HAO1: variants seen among roughly 807,000 people sequenced by gnomAD.
HAO1 encodes the protein 2-Hydroxyacid oxidase 1.
A neutral mutation model predicts 39.7 loss-of-function variants in HAO1; 34 were observed. The observed-to-expected ratio is 0.86, with a 90% confidence interval of 0.65 to 1.14. HAO1 has a LOEUF of 1.14. HAO1 is among the 50% of genes most tolerant of loss of function. The pLI, the probability that HAO1 is intolerant of heterozygous loss-of-function variation, is 0.00. For synonymous variants in HAO1, 172 were observed against 173.2 expected, an observed-to-expected ratio of 0.99 and a Z score of 0.05; for missense variants, 479 against 464.5, an observed-to-expected ratio of 1.03 and a Z score of -0.29.
intron 5 of HAO1, among the ~76,000 whole-genome samples, chr20:7,888,205 C>T (rs1021951293): frequency 1.2e-4 from 18 of 152,056 alleles, no homozygotes; most frequent in African/African-American, 4.3e-4. Flanking sequence ...TATAAAGGAC[C>T]TGGTATATTT....
chr20:7,900,457 A>G (rs975360222), intron 4 of HAO1, among the ~76,000 whole-genome samples: 1 of 152,134 alleles, frequency 6.6e-6, no homozygotes, highest in African/African-American at 2.4e-5. Flanking sequence ...CACGTGCTCA[A>G]TTGGTATCCC....
chr20:7,906,970 C>T (rs1219805165), intron 3 of HAO1, among the ~76,000 whole-genome samples: 1 of 152,186 alleles, frequency 6.6e-6, no homozygotes, highest in East Asian at 1.9e-4. Flanking sequence ...CCTCAGGAAA[C>T]CTTCCAATGC....
intron 2 of HAO1, among the ~76,000 whole-genome samples, chr20:7,929,667 C>T (rs981024872): frequency 1.3e-5 from 2 of 152,090 alleles, no homozygotes; most frequent in African/African-American, 2.4e-5. Context: ...AGATCAAGAC[C>T]ATCCTGGCCA....
chr20:7,885,076 TACTGAGCA>T (rs2050144644), intron 7 of HAO1, among the ~76,000 whole-genome samples: 1 of 152,144 alleles, frequency 6.6e-6, no homozygotes, highest in South Asian at 2.1e-4. Flanking sequence ...AAGATTTTTG[TACTGAGCA>T]ACTGAAACTA....
At chr20:7,939,981 AAAAAG>A (rs2050433224) in intron 1 of HAO1, among the ~76,000 whole-genome samples, 1 of 152,234 alleles carries the variant, frequency 6.6e-6, no homozygotes. Flanking sequence ...TCATACTAAG[AAAAAG>A]AAAAGTCATC....
At chr20:7,929,167 T>C (rs1201050749) in intron 2 of HAO1, among the ~76,000 whole-genome samples, 1 of 152,118 alleles carries the variant, frequency 6.6e-6, no homozygotes, top group East Asian at 1.9e-4. Context: ...TTCCCTGAGG[T>C]TTCTGCATAA....
chr20:7,923,396 A>G (rs1196980489), intron 2 of HAO1, among the ~76,000 whole-genome samples: 4 of 152,170 alleles, frequency 2.6e-5, no homozygotes, highest in Non-Finnish European at 5.9e-5. Context: ...CTGGATGTGA[A>G]GAAGCAAAAA....
chr20:7,929,689 C>T (rs2050377329), intron 2 of HAO1, among the ~76,000 whole-genome samples: 1 of 152,066 alleles, frequency 6.6e-6, no homozygotes, highest in African/African-American at 2.4e-5. Context: ...CATGGTGAAA[C>T]CCTGTCTATA....
chr20:7,885,174 G>GT, intron 7 of HAO1, among the ~76,000 whole-genome samples: 1 of 152,278 alleles, frequency 6.6e-6, no homozygotes, highest in South Asian at 2.1e-4. Flanking sequence ...TTTTGGACAG[G>GT]TAAGAGTTTG....
At chr20:7,917,941 G>A (rs1215210830) in intron 2 of HAO1, among the ~76,000 whole-genome samples, 1 of 152,162 alleles carries the variant, frequency 6.6e-6, no homozygotes, top group Non-Finnish European at 1.5e-5. Context: ...TTAGAGAGAA[G>A]CAAGTTTGGT....
intron 2 of HAO1, among the ~76,000 whole-genome samples, chr20:7,933,063 T>C (rs2050392635): frequency 6.6e-6 from 1 of 152,214 alleles, no homozygotes; most frequent in African/African-American, 2.4e-5. Context: ...AATTTCCATG[T>C]CTTTGCTTAT....
In HAO1 at chr20:7,909,383, A is replaced by ATATATG. The variant is rs1555774045; in HGVS notation, c.546-3055_546-3054insCATATA. 9.6e-3 allele frequency among the ~76,000 whole-genome samples: 1,202 copies of ATATATG among 124,610 alleles called. 11 individuals carry two copies. Among genetic ancestry groups the ATATATG allele is most frequent in the Middle Eastern group, 0.032 (7 of 218 alleles). The allele number at this position is 124,610 out of a possible 152,430, so 81.7% of individuals were successfully genotyped here. A position where few individuals can be genotyped will look rare whatever the true frequency, so the allele number is the denominator to read the frequency against. On this transcript the variant is annotated intron_variant, in intron 3 of 7. Transcript: ENST00000378789. Reference sequence around the variant, plus strand: ...GACATATATATATATATATATGTATATATATATATATATATATATATGCTT... The same window carrying ATATATG: ...GACATATATATATATATATATGTATATATATGTATATATATATATATATATATGCTT...
Position 7,934,491 on chromosome 20 carries a change from A to G in HAO1, c.282T>C (p.Thr94=). The stretch of plus-strand genomic sequence containing the variant: ...TGACAATCTTCCTCCTACCTCTCAC[A>G]GTGGCAAGCTCGCCGTCCACATGAG... ...RMAHVDGELA[T]VRACQSLGTG... is the part of the protein sequence containing the mutation. Residue 94 remains threonine (T), a synonymous_variant, in exon 2 of 8, where the codon ACT becomes ACC. Transcript: ENST00000378789. 1.2e-6 allele frequency: 2 copies of G among 1,608,724 alleles called. No homozygotes were observed. Among genetic ancestry groups the G allele is most frequent in the Non-Finnish European group, 1.7e-6 (2 of 1,178,258 alleles).
At chr20:7,903,102 G>C (rs541067395) in intron 4 of HAO1, among the ~76,000 whole-genome samples, 1 of 152,274 alleles carries the variant, frequency 6.6e-6, no homozygotes, top group South Asian at 2.1e-4. Context: ...TCCCAGAACT[G>C]GCCCTGCCAC....
In HAO1 at chr20:7,906,241, C is replaced by T. The variant is rs1466854783; in HGVS notation, c.634G>A (p.Ala212Thr). The change falls in exon 4 of 8, where the codon GCA becomes ACA. Residue 212 changes from alanine to threonine, a missense_variant. Ala to Thr is a moderately conservative substitution (Grantham distance 58). Coordinates refer to ENST00000378789, the MANE Select transcript of HAO1 (RefSeq NM_017545.3). ...DSGLAAYVAKAIDPSISWEDI... is the reference protein window; with the variant it reads ...DSGLAAYVAKTIDPSISWEDI... ...TCCCAGCTGATAGATGGGTCTATTG[C>T]TTTAGCCACATATGCAGCAAGTCCA... is the stretch of plus-strand genomic sequence containing the variant. The T allele has an allele frequency of 1.1e-5, 18 of 1,611,896 alleles. No homozygotes were observed. The highest frequency in any genetic ancestry group is 1.4e-5 in the Non-Finnish European group (16 of 1,178,198).
rs1600102962 is a variant in HAO1 at position 7,883,345 on chromosome 20, A to G, written c.*248T>C. 5 of 517,482 alleles carry G rather than the reference A, an allele frequency of 9.7e-6. No individual in the cohort carries two copies. Among genetic ancestry groups the G allele is most frequent in the South Asian group, 2.7e-5 (1 of 37,538 alleles). 32.1% of individuals were successfully genotyped at this position (517,482 alleles called of 1,614,324 possible). ...ATGACGTTGTCTAAACACATTTTCAATGTTTTCTTTTTAACAGTTAATATA... is the reference window on the plus strand; with the variant it reads ...ATGACGTTGTCTAAACACATTTTCAGTGTTTTCTTTTTAACAGTTAATATA... On this transcript the variant is annotated 3_prime_UTR_variant, in exon 8 of 8. Coordinates refer to ENST00000378789, the MANE Select transcript of HAO1 (RefSeq NM_017545.3).
At chr20:7,904,136 C>A (rs543063475) in intron 4 of HAO1, among the ~76,000 whole-genome samples, 5 of 152,186 alleles carry the variant, frequency 3.3e-5, no homozygotes, top group African/African-American at 1.2e-4. Context: ...AAATTCTATT[C>A]TTCCTTAGTG....
chr20:7,908,984 C>A (rs532999642), intron 3 of HAO1, among the ~76,000 whole-genome samples: 1 of 151,686 alleles, frequency 6.6e-6, no homozygotes, highest in South Asian at 2.1e-4. Context: ...ATAGCAAGAC[C>A]GGGAAAAGAA....
chr20:7,900,478 T>C (rs1352982322), intron 4 of HAO1, among the ~76,000 whole-genome samples: 1 of 152,186 alleles, frequency 6.6e-6, no homozygotes, highest in African/African-American at 2.4e-5. Context: ...TGTGTCACAG[T>C]TTGGTCATTC....
Sources: allele counts gnomAD v4.1 joint callset (sites outside exome capture counted in the v4.1 genomes callset), GRCh38; gene constraint gnomAD v4.1.1; transcripts MANE v1.5; gene names NCBI Gene and HGNC (gene_info 2026-07-23, HGNC 2026-07-21).